SMIM14: variants seen among roughly 807,000 people sequenced by gnomAD.
SMIM14 encodes chromosome 4 open reading frame 34.
A neutral mutation model predicts 12.6 loss-of-function variants in SMIM14; 5 were observed. The observed-to-expected ratio is 0.40, with a 90% confidence interval of 0.21 to 0.83. The LOEUF (loss-of-function observed/expected upper bound fraction) is 0.83, where lower values mean the gene tolerates loss of function less well. Among genes scored for constraint, SMIM14 ranks in the 40% least tolerant of loss-of-function variants. The pLI is 0.37. For missense variants in SMIM14, 86 were observed against 119.1 expected (o/e 0.72, Z 1.29); for synonymous variants, 30 against 40.1 (o/e 0.75, Z 0.95).
chr4:39,583,934 C>G (rs1331282569), intron 2 of SMIM14: 1 of 152,066 alleles, frequency 6.6e-6, no homozygotes. Context: ...TTCTTACACA[C>G]CTGATTAATC....
At chr4:39,620,249 G>T (rs1396298681) in intron 1 of SMIM14, among the ~76,000 whole-genome samples, 2 of 151,868 alleles carry the variant, frequency 1.3e-5, no homozygotes, top group East Asian at 3.9e-4. Context: ...GGAGACCGAG[G>T]CGGGCGGATC....
At position 39,546,684 on chromosome 4, in the gene SMIM14, G is replaced by A. The variant is rs993226235; in HGVS notation, c.*5442C>T. 7 of 152,220 alleles carry A rather than the reference G, an allele frequency of 4.6e-5. No homozygotes were observed. Among genetic ancestry groups the A allele is most frequent in the African/African-American group, 1.7e-4 (7 of 41,452 alleles). 9.4% of individuals were successfully genotyped at this position (152,220 alleles called of 1,614,324 possible). On this transcript the variant is annotated 3_prime_UTR_variant, in exon 5 of 5. Coordinates refer to ENST00000295958, the MANE Select transcript of SMIM14 (RefSeq NM_174921.3). ...AGTTTCACTGAGGATTCAGATATCC[G>A]TTGACATGTACATGACAATCTTTAG...
At chr4:39,615,498 G>A (rs922828765) in intron 1 of SMIM14, among the ~76,000 whole-genome samples, 1 of 152,102 alleles carries the variant, frequency 6.6e-6, no homozygotes. Flanking sequence ...AATACCAAGA[G>A]TGAACCCTAA....
intron 4 of SMIM14, among the ~76,000 whole-genome samples, chr4:39,555,989 T>C (rs1252593097): frequency 6.6e-6 from 1 of 152,058 alleles, no homozygotes; most frequent in Admixed American, 6.6e-5. Context: ...CTGGGCAACC[T>C]GGCAAAACCC....
rs1578334612 is a variant in SMIM14 at position 39,585,985 on chromosome 4, G to A, written c.76-13522C>T. Among the ~76,000 whole-genome samples, 3 of 152,078 alleles carry A rather than the reference G, an allele frequency of 2.0e-5. No individual in the cohort carries two copies. The South Asian group carries it at 6.2e-4, about 31-fold the overall frequency. On this transcript the variant is annotated intron_variant, in intron 2 of 4. Transcript: ENST00000295958. ...TGCAGCCCAATAGCTCTACGGTCTT[G>A]TCCTGTAAAATAAAAGAACTCCGAC...
Position 39,585,183 on chromosome 4 carries a change from A to G in SMIM14, c.76-12720T>C, listed in dbSNP as rs1430985597. On this transcript the variant is annotated intron_variant, in intron 2 of 4. Coordinates refer to ENST00000295958, the MANE Select transcript of SMIM14 (RefSeq NM_174921.3). ...GACAAAACAAGTAATAGTGGCCATG[A>G]AGTGGGATGGATGAGTGGGGAGCAA... is the stretch of plus-strand genomic sequence containing the variant. Among the ~76,000 whole-genome samples, 4 of 152,132 alleles carry G rather than the reference A, an allele frequency of 2.6e-5. No individual in the cohort carries two copies. In the East Asian group the frequency reaches 7.7e-4, roughly 29 times the overall value.
intron 2 of SMIM14, among the ~76,000 whole-genome samples, chr4:39,585,485 C>T (rs1208637028): frequency 9.9e-5 from 15 of 151,958 alleles, no homozygotes; most frequent in South Asian, 2.1e-4. Context: ...TTAGTAGAGA[C>T]GGGGTTTCTC....
intron 1 of SMIM14, among the ~76,000 whole-genome samples, chr4:39,616,549 C>G (rs1286377382): frequency 6.6e-6 from 1 of 151,508 alleles, no homozygotes; most frequent in Non-Finnish European, 1.5e-5. Context: ...TAAGTTAATC[C>G]TCCCTGGTAC....
At chr4:39,562,447 A>G (rs1712358006) in intron 3 of SMIM14, among the ~76,000 whole-genome samples, 1 of 152,120 alleles carries the variant, frequency 6.6e-6, no homozygotes, top group Admixed American at 6.6e-5. Context: ...CTGCTGATCA[A>G]TGTGGTAACT....
At chr4:39,574,390 G>A (rs1296818790) in intron 2 of SMIM14, among the ~76,000 whole-genome samples, 2 of 152,056 alleles carry the variant, frequency 1.3e-5, no homozygotes, top group African/African-American at 4.8e-5. Flanking sequence ...ACAGGTGCAT[G>A]CCACCATGCC....
At chr4:39,617,668 A>G (rs1440631870) in intron 1 of SMIM14, among the ~76,000 whole-genome samples, 1 of 152,204 alleles carries the variant, frequency 6.6e-6, no homozygotes, top group Non-Finnish European at 1.5e-5. Context: ...GGATACTTCT[A>G]AAGTCAGCCT....
rs1361220740 is a variant in SMIM14, at chr4:39,601,301, G to GA, written c.75+3769dup. Among the ~76,000 whole-genome samples the GA allele has an allele frequency of 2.6e-5, 4 of 152,188 alleles. No homozygotes were observed. In the East Asian group the frequency reaches 7.7e-4, roughly 29 times the overall value. On this transcript the variant is annotated intron_variant, in intron 2 of 4. Transcript: ENST00000295958. ...TAAGAACTTTAAATTCTTAAAAATT[G>GA]ATGATATTCTGGCCTTCAAAAAAAC...
At chr4:39,602,113 G>A (rs1714640248) in intron 2 of SMIM14, among the ~76,000 whole-genome samples, 1 of 151,480 alleles carries the variant, frequency 6.6e-6, no homozygotes, top group East Asian at 1.9e-4. Flanking sequence ...GCCAGGTGTG[G>A]TGGCTGGTGC....
chr4:39,558,947 A>C lies in SMIM14; in HGVS notation c.125-2377T>G, dbSNP rs1252767281. The stretch of plus-strand genomic sequence containing the variant: ...CTGGTCTCAAACTCCTGACCTCGTG[A>C]TCTGCCTGCTTCGGCCTCCCAAAGT... On this transcript the variant is annotated intron_variant, in intron 3 of 4. Coordinates refer to ENST00000295958, the MANE Select transcript of SMIM14 (RefSeq NM_174921.3). This position sits in a 1 kb window ranked among gnomAD's most constrained non-coding sequence, Gnocchi z 4.3. 6.6e-6 allele frequency among the ~76,000 whole-genome samples: 1 copy of C among 152,144 alleles called. No individual in the cohort carries two copies. Among genetic ancestry groups the C allele is most frequent in the Non-Finnish European group, 1.5e-5 (1 of 68,020 alleles).
intron 2 of SMIM14, among the ~76,000 whole-genome samples, chr4:39,591,093 A>G (rs1212665239): frequency 6.6e-6 from 1 of 152,114 alleles, no homozygotes; most frequent in African/African-American, 2.4e-5. Context: ...TTTACATACA[A>G]TCTATGAACA....
chr4:39,630,167 G>A lies in SMIM14; in HGVS notation c.-36+8572C>T, dbSNP rs77974836. ...TGTAAAACCAATTCTGACAGGCTGAGGCAGAAGAATTGCTTGAGCCTAGGA... is the reference window on the plus strand; with the variant it reads ...TGTAAAACCAATTCTGACAGGCTGAAGCAGAAGAATTGCTTGAGCCTAGGA... On this transcript the variant is annotated intron_variant, in intron 1 of 4. Transcript: ENST00000295958. Among the ~76,000 whole-genome samples, 201 of 152,192 alleles carry A rather than the reference G, an allele frequency of 1.3e-3. 1 individual carries two copies. The highest frequency in any genetic ancestry group is 4.8e-3 in the African/African-American group (198 of 41,508).
At chr4:39,590,022 C>CAAAAAAAAAAAAAAAAAAAAAAAAAATAA (rs34159677) in intron 2 of SMIM14, among the ~76,000 whole-genome samples, 1 of 71,354 alleles carries the variant, frequency 1.4e-5, no homozygotes, top group Non-Finnish European at 2.6e-5. Context: ...GACTCTGTTT[C>CAAAAAAAAAAAAAAAAAAAAAAAAAATAA]AAAAAAAAAA....
At chr4:39,613,133 T>A (rs1466967958) in intron 1 of SMIM14, among the ~76,000 whole-genome samples, 1 of 152,132 alleles carries the variant, frequency 6.6e-6, no homozygotes, top group African/African-American at 2.4e-5. Flanking sequence ...AAAACAGAGC[T>A]TCTGGAGGGC....
At chr4:39,590,109 A>G (rs550931908) in intron 2 of SMIM14, among the ~76,000 whole-genome samples, 1 of 151,730 alleles carries the variant, frequency 6.6e-6, no homozygotes, top group South Asian at 2.1e-4. Context: ...AAAGAATACT[A>G]GACAACTTAA....
Sources: allele counts gnomAD v4.1 joint callset (sites outside exome capture counted in the v4.1 genomes callset), GRCh38; gene constraint gnomAD v4.1.1; non-coding constraint Gnocchi (gnomAD v3.1); transcripts MANE v1.5; gene names NCBI Gene and HGNC (gene_info 2026-07-23, HGNC 2026-07-21).